Variants in TRIP11 observed in about 807,000 individuals in gnomAD.
The protein encoded by TRIP11 is thyroid receptor-interacting protein 11.
TRIP11 carries 148 observed loss-of-function variants against 223.1 expected under a neutral mutation model. The observed-to-expected ratio is 0.66, with a 90% CI of 0.58 to 0.76. TRIP11 has a LOEUF of 0.76. Among genes scored for constraint, TRIP11 ranks in the 30% least tolerant of loss-of-function variants. The pLI is 0.00. For missense variants in TRIP11, 2,043 were observed against 2,222.0 expected (o/e 0.92, Z 1.62); for synonymous variants, 762 against 772.6 (o/e 0.99, Z 0.23).
intron 9 of TRIP11, among the ~76,000 whole-genome samples, 181 bp downstream of exon 9, chr14:92,010,805 C>T (rs910085184): frequency 2.6e-5 from 4 of 151,872 alleles, no homozygotes; most frequent in Admixed American, 1.3e-4. Flanking sequence ...TCAAGCCAGC[C>T]ACTTATACTC....
At chr14:92,000,284 T>A (rs571140201) in intron 11 of TRIP11, among the ~76,000 whole-genome samples, 176 bp from the exon 12 acceptor site, 54 of 152,280 alleles carry the variant, frequency 3.5e-4, no homozygotes, top group Admixed American at 3.2e-3. Context: ...TAGTTAACTA[T>A]GTCAAAGTCA....
At position 92,004,316 on chromosome 14, in the gene TRIP11, T is replaced by C. The variant is rs775922989; in HGVS notation, c.3660A>G (p.Lys1220=). 1.1e-5 allele frequency: 17 copies of C among 1,614,026 alleles called. No individual in the cohort carries two copies. The highest frequency in any genetic ancestry group is 1.4e-5 in the Non-Finnish European group (16 of 1,180,038). The change falls in exon 11 of 21, where the codon AAA becomes AAG. Residue 1220 remains lysine, a synonymous_variant. Coordinates refer to ENST00000267622, the MANE Select transcript of TRIP11 (RefSeq NM_004239.4). ...TCACCTGCTGCTTCCACTCTTCCAT[T>C]TTCTTTACTTGCTGTTTTAACTTGT... The part of the protein sequence containing the change: ...ERDKLKQQVK[K]MEEWKQQVMT...
In TRIP11 at chr14:92,038,734, T is replaced by C. The variant is rs114617609; in HGVS notation, c.139+813A>G. ...CCAAAAGAACAGCCCATTATCTCCC[T>C]GGAGCAGACTTAGATTGAAACTTAA... On this transcript the variant is annotated intron_variant, in intron 1 of 20. Coordinates refer to ENST00000267622, the MANE Select transcript of TRIP11 (RefSeq NM_004239.4). 4.1e-3 allele frequency among the ~76,000 whole-genome samples: 625 copies of C among 152,314 alleles called. 6 individuals carry two copies. The highest frequency in any genetic ancestry group is 0.014 in the African/African-American group (587 of 41,566).
chr14:92,038,984 T>A (rs1266947406), intron 1 of TRIP11, among the ~76,000 whole-genome samples: 1 of 152,150 alleles, frequency 6.6e-6, no homozygotes, highest in Admixed American at 6.5e-5. Flanking sequence ...AATGGGCGAT[T>A]ATACACAAAA....
chr14:91,974,735 A>C lies in TRIP11; in HGVS notation c.5466T>G (p.His1822Gln). ...VRREEMEQLF[H>Q]DDQGGVTRWM... ...ACCTGGTAACACCGCCCTGATCGTC[A>C]TGAAACAACTGAAAGATTATTTTAA... The change falls in exon 19 of 21, where the codon CAT becomes CAG. Residue 1822 changes from histidine (H) to glutamine (Q), a missense_variant. His to Gln is a conservative substitution (Grantham distance 24). Coordinates refer to ENST00000267622, the MANE Select transcript of TRIP11 (RefSeq NM_004239.4). 6.2e-7 allele frequency: 1 copy of C among 1,611,646 alleles called. No individual in the cohort carries two copies. Among genetic ancestry groups the C allele is most frequent in the Non-Finnish European group, 8.5e-7 (1 of 1,178,338 alleles).
intron 3 of TRIP11, among the ~76,000 whole-genome samples, chr14:92,023,424 G>A (rs1177455315): frequency 2.0e-5 from 3 of 152,210 alleles, no homozygotes; most frequent in Non-Finnish European, 4.4e-5. Context: ...CCACAGGTAC[G>A]TGTGAAAGTA....
chr14:91,995,431 A>C lies in TRIP11; in HGVS notation c.4977T>G (p.Leu1659=), dbSNP rs377304835. The C allele has an allele frequency of 6.2e-7, 1 of 1,614,000 alleles. No individual in the cohort carries two copies. Among genetic ancestry groups the C allele is most frequent in the African/African-American group, 1.3e-5 (1 of 74,896 alleles). The change falls in exon 14 of 21, where the codon CTT becomes CTG. Residue 1659 remains leucine (L), a synonymous_variant. Transcript: ENST00000267622. Reference sequence around the variant, plus strand: ...GCTTTACTTGTTCCTGAGAGACAGAAAGCTGCAGCGCAGTTTCATCCCTTT... The same window carrying C: ...GCTTTACTTGTTCCTGAGAGACAGACAGCTGCAGCGCAGTTTCATCCCTTT... ...SKQRDETALQ[L]SVSQEQVKQY... is the part of the protein sequence containing the mutation.
In TRIP11 at chr14:92,008,121, T is replaced by C. The variant is rs1377766949; in HGVS notation, c.1315-269A>G. Among the ~76,000 whole-genome samples, 5 of 152,314 alleles carry C rather than the reference T, an allele frequency of 3.3e-5. No individual in the cohort carries two copies. In the East Asian group the frequency reaches 9.7e-4, roughly 29 times the overall value. ...TTTGTCCTCTAGCACCAAGTTCTTC[T>C]TTATAAAAAACGTTCCCATTTGAGA... On this transcript the variant is annotated intron_variant, in intron 9 of 20. Coordinates refer to ENST00000267622, the MANE Select transcript of TRIP11 (RefSeq NM_004239.4).
intron 20 of TRIP11, among the ~76,000 whole-genome samples, chr14:91,972,313 T>C (rs901155010): frequency 1.3e-5 from 2 of 152,104 alleles, no homozygotes; most frequent in African/African-American, 4.8e-5. Context: ...GAAAAACCCT[T>C]CTCAAACTAT....
rs2057026201 is a variant in TRIP11, at chr14:92,015,633, G to A, written c.823+63C>T. On this transcript the variant is annotated intron_variant, in intron 6 of 20. Transcript: ENST00000267622. Reference sequence around the variant, plus strand: ...AGATCGCGCCAGTGCACTCCAGCCTGGGCAACAGATGGAGACTCCATCTCA... The same window carrying A: ...AGATCGCGCCAGTGCACTCCAGCCTAGGCAACAGATGGAGACTCCATCTCA... 24 of 1,404,140 alleles carry A rather than the reference G, an allele frequency of 1.7e-5. No individual in the cohort carries two copies. In the South Asian group the frequency reaches 1.9e-4, roughly 11 times the overall value. The allele number at this position is 1,404,140 out of a possible 1,614,324, so 87.0% of individuals were successfully genotyped here.
intron 5 of TRIP11, 82 bp downstream of exon 5, chr14:92,017,600 G>A (rs1373040275): frequency 1.9e-6 from 2 of 1,054,936 alleles, no homozygotes; most frequent in African/African-American, 3.2e-5. Context: ...TTATAACTGA[G>A]ACTTTTACTA....
At chr14:92,017,807 A>G in intron 4 of TRIP11, 57 bp from the exon 5 acceptor site, 1 of 1,437,950 alleles carries the variant, frequency 7.0e-7, no homozygotes, top group Non-Finnish European at 9.7e-7. Flanking sequence ...GTCAACAGAA[A>G]GTCACAAACT....
chr14:91,995,898 G>A (rs2056745271), intron 13 of TRIP11, among the ~76,000 whole-genome samples: 2 of 147,212 alleles, frequency 1.4e-5, no homozygotes, highest in South Asian at 2.1e-4. Context: ...TTACAGGCAT[G>A]AGCCACCGCC....
intron 5 of TRIP11, among the ~76,000 whole-genome samples, chr14:92,016,504 A>G (rs561162534): frequency 2.6e-5 from 4 of 152,126 alleles, no homozygotes; most frequent in South Asian, 2.1e-4. Context: ...TCCTCCTTCA[A>G]TCCTGCGGAT....
At chr14:91,991,748 A>G (rs1294048202) in intron 15 of TRIP11, among the ~76,000 whole-genome samples, 3 of 152,184 alleles carry the variant, frequency 2.0e-5, no homozygotes, top group African/African-American at 7.2e-5. Flanking sequence ...ACACACAGTA[A>G]TATGACTGAA....
rs1024530184 is a variant in TRIP11 at position 92,040,023 on chromosome 14, G to T, written c.-338C>A. On this transcript the variant is annotated 5_prime_UTR_variant, in exon 1 of 21. Coordinates refer to ENST00000267622, the MANE Select transcript of TRIP11 (RefSeq NM_004239.4). Reference sequence around the variant, plus strand: ...GGTTACTCCTGCCAACTCGACGCCGGCCGCCATGACACTCGCTCGGAAAGC... The same window carrying T: ...GGTTACTCCTGCCAACTCGACGCCGTCCGCCATGACACTCGCTCGGAAAGC... 1.2e-5 allele frequency: 5 copies of T among 426,024 alleles called. No homozygotes were observed. Among genetic ancestry groups the T allele is most frequent in the Non-Finnish European group, 1.8e-5 (4 of 228,382 alleles). The allele number at this position is 426,024 out of a possible 1,614,324, so 26.4% of individuals were successfully genotyped here. A position where few individuals can be genotyped will look rare whatever the true frequency, so the allele number is the denominator to read the frequency against.
intron 2 of TRIP11, chr14:92,026,511 C>T: frequency 1.9e-6 from 2 of 1,049,240 alleles, no homozygotes; most frequent in Non-Finnish European, 3.0e-6. Context: ...GCCAGAGTCC[C>T]TGAACTCTCG....
At position 92,039,928 on chromosome 14, in the gene TRIP11, T is replaced by A. The variant is rs2057366601; in HGVS notation, c.-243A>T. 1 of 635,600 alleles carries A rather than the reference T, an allele frequency of 1.6e-6. No homozygotes were observed. Among genetic ancestry groups the A allele is most frequent in the Admixed American group, 3.0e-5 (1 of 33,622 alleles). The allele number at this position is 635,600 out of a possible 1,614,324, so 39.4% of individuals were successfully genotyped here. On this transcript the variant is annotated 5_prime_UTR_variant, in exon 1 of 21. Coordinates refer to ENST00000267622, the MANE Select transcript of TRIP11 (RefSeq NM_004239.4). ...CACCTACGGAGGGCCTTCTGCTCAT[T>A]CCCACGAATTCCCACCGTCCAGATT... is the stretch of plus-strand genomic sequence containing the variant.
intron 15 of TRIP11, among the ~76,000 whole-genome samples, chr14:91,992,642 G>A (rs1265571536): frequency 1.3e-5 from 2 of 151,990 alleles, no homozygotes; most frequent in Non-Finnish European, 2.9e-5. Flanking sequence ...TCCTAGGCCG[G>A]GCATGGTGGG....
Sources: allele counts gnomAD v4.1 joint callset (sites outside exome capture counted in the v4.1 genomes callset), GRCh38; gene constraint gnomAD v4.1.1; transcripts MANE v1.5; gene names NCBI Gene and HGNC (gene_info 2026-07-23, HGNC 2026-07-21).